The following A4GALT variants were observed in gnomAD, a reference collection of about 807,000 sequenced individuals.
A4GALT encodes lactosylceramide 4-alpha-galactosyltransferase.
For missense variants in A4GALT, 512 were observed against 486.0 expected, an observed-to-expected ratio of 1.05 and a Z score of -0.50; for synonymous variants, 257 against 220.7, an observed-to-expected ratio of 1.16 and a Z score of -1.46.
chr22:42,708,762 C>A (rs1248819346), intron 1 of A4GALT, among the ~76,000 whole-genome samples: 2 of 151,874 alleles, frequency 1.3e-5, no homozygotes, highest in African/African-American at 4.8e-5. Flanking sequence ...GGGAAAATAA[C>A]CAAATAAGCA....
chr22:42,714,433 C>T (rs1921984302), intron 1 of A4GALT, among the ~76,000 whole-genome samples: 1 of 151,360 alleles, frequency 6.6e-6, no homozygotes, highest in African/African-American at 2.4e-5. Context: ...TCAAAAAATA[C>T]AAAAATTAGC....
chr22:42,706,282 G>A (rs1921110441), intron 1 of A4GALT, among the ~76,000 whole-genome samples: 1 of 147,594 alleles, frequency 6.8e-6, no homozygotes. Context: ...GTGAACCCGG[G>A]AGGCAGAGCT....
intron 1 of A4GALT, among the ~76,000 whole-genome samples, chr22:42,697,826 G>A (rs533061590): frequency 4.6e-5 from 7 of 152,072 alleles, no homozygotes; most frequent in East Asian, 3.9e-4. Context: ...ACTACTTCCC[G>A]CCCTGTCACC....
intron 1 of A4GALT, among the ~76,000 whole-genome samples, chr22:42,711,382 TAAC>T (rs1288143850): frequency 3.9e-5 from 6 of 152,224 alleles, no homozygotes; most frequent in Non-Finnish European, 8.8e-5. Flanking sequence ...AGCCGCAATT[TAAC>T]AACATCTATC....
intron 1 of A4GALT, among the ~76,000 whole-genome samples, chr22:42,713,871 C>T (rs917441221): frequency 2.1e-4 from 31 of 150,284 alleles, no homozygotes; most frequent in Non-Finnish European, 4.1e-4. Context: ...GCTGACTGGG[C>T]GAGGTGGCTC....
At chr22:42,695,733 C>G (rs187903634) in intron 1 of A4GALT, 102 bp from the exon 2 acceptor site, 3 of 152,392 alleles carry the variant, frequency 2.0e-5, no homozygotes, top group Admixed American at 6.5e-5. Context: ...CATGTGTTCA[C>G]TGATTCATTC....
At chr22:42,711,231 G>A (rs1455336333) in intron 1 of A4GALT, among the ~76,000 whole-genome samples, 1 of 152,154 alleles carries the variant, frequency 6.6e-6, no homozygotes, top group East Asian at 1.9e-4. Context: ...ATAAGTAATA[G>A]AAATGCAAAT....
At chr22:42,716,517 T>C (rs1459928939) in intron 1 of A4GALT, among the ~76,000 whole-genome samples, 1 of 152,196 alleles carries the variant, frequency 6.6e-6, no homozygotes, top group Admixed American at 6.5e-5. Context: ...GCAGGTCCTC[T>C]TATGATTAAC....
Position 42,692,768 on chromosome 22 carries a change from AGCCT to A in A4GALT, c.*118_*121del, listed in dbSNP as rs1930536200. Reference sequence around the variant, plus strand: ...GGGCCTGCTCCCACAGCTCCTCAACAGCCTGCCTAAGCCCGGTGGCAGCTCGGGC... The same window carrying A: ...GGGCCTGCTCCCACAGCTCCTCAACAGCCTAAGCCCGGTGGCAGCTCGGGC... On this transcript the variant is annotated 3_prime_UTR_variant, in exon 3 of 3. Coordinates refer to ENST00000642412, the MANE Select transcript of A4GALT (RefSeq NM_017436.7). This position sits in a 1 kb window ranked among gnomAD's most constrained non-coding sequence, Gnocchi z 4.6. The A allele has an allele frequency of 8.5e-7, 1 of 1,176,440 alleles. No individual in the cohort carries two copies. The highest frequency in any genetic ancestry group is 1.2e-6 in the Non-Finnish European group (1 of 815,604). The allele number at this position is 1,176,440 out of a possible 1,614,324, so 72.9% of individuals were successfully genotyped here.
intron 1 of A4GALT, among the ~76,000 whole-genome samples, chr22:42,700,137 G>T (rs1931202042): frequency 6.6e-6 from 1 of 152,188 alleles, no homozygotes; most frequent in Non-Finnish European, 1.5e-5. Flanking sequence ...TCAATGGTGG[G>T]ACCAGATGGG....
chr22:42,718,110 G>A (rs976300389), intron 1 of A4GALT: 1 of 152,058 alleles, frequency 6.6e-6, no homozygotes. Flanking sequence ...AAAAAGTCAA[G>A]AGATCCAATA....
chr22:42,711,802 T>A (rs920170151), intron 1 of A4GALT, among the ~76,000 whole-genome samples: 1 of 152,014 alleles, frequency 6.6e-6, no homozygotes, highest in African/African-American at 2.4e-5. Context: ...CCTGGCTAAT[T>A]TTTGTATTTT....
Position 42,692,340 on chromosome 22 carries a change from C to G in A4GALT, c.*550G>C. 3.7e-6 allele frequency: 1 copy of G among 272,980 alleles called. No homozygotes were observed. The highest frequency in any genetic ancestry group is 3.8e-5 in the South Asian group (1 of 26,656). The allele number at this position is 272,980 out of a possible 1,614,324, so 16.9% of individuals were successfully genotyped here. On this transcript the variant is annotated 3_prime_UTR_variant, in exon 3 of 3. Transcript: ENST00000642412. The surrounding 1 kb of genome is among the most constrained non-coding windows in gnomAD (Gnocchi z 4.6). ...GGCTGCCCCCAAACGGCTCCCCAGG[C>G]TGGCACTTCTGGGCCTCTGCCCCAC...
rs1271343694 is a variant in A4GALT at position 42,692,607 on chromosome 22, C to T, written c.*283G>A. 1.7e-6 allele frequency: 1 copy of T among 581,724 alleles called. No individual in the cohort carries two copies. Among genetic ancestry groups the T allele is most frequent in the African/African-American group, 1.8e-5 (1 of 54,524 alleles). 36.0% of individuals were successfully genotyped at this position (581,724 alleles called of 1,614,324 possible). On this transcript the variant is annotated 3_prime_UTR_variant, in exon 3 of 3. Transcript: ENST00000642412. The surrounding 1 kb of genome is among the most constrained non-coding windows in gnomAD (Gnocchi z 4.6). ...GGCTTTCCGCACCACCTGGGGGTGC[C>T]CTGAGGTTCATCCTTCCTGCCTGTT...
rs3985930 is a variant in A4GALT, at chr22:42,703,106, C to CTGTGTGTGTGTG, written c.-187-7487_-187-7476dup. Among the ~76,000 whole-genome samples, 1,124 of 134,074 alleles carry CTGTGTGTGTGTG rather than the reference C, an allele frequency of 8.4e-3. 9 individuals carry two copies. Among genetic ancestry groups the CTGTGTGTGTGTG allele is most frequent in the African/African-American group, 0.017 (536 of 31,784 alleles). 88.0% of individuals were successfully genotyped at this position (134,074 alleles called of 152,430 possible). On this transcript the variant is annotated intron_variant, in intron 1 of 2. Coordinates refer to ENST00000642412, the MANE Select transcript of A4GALT (RefSeq NM_017436.7). ...GTGTGAGAGAGAGCATGCTGCCCCACTGTGTGTGTGTGTGTGTGTGTGTGT... is the reference window on the plus strand; with the variant it reads ...GTGTGAGAGAGAGCATGCTGCCCCACTGTGTGTGTGTGTGTGTGTGTGTGTGTGTGTGTGTGT...
intron 1 of A4GALT, among the ~76,000 whole-genome samples, chr22:42,716,670 C>T (rs1435624102): frequency 6.6e-6 from 1 of 152,140 alleles, no homozygotes; most frequent in Non-Finnish European, 1.5e-5. Flanking sequence ...GGGGCTCAAT[C>T]TCACTGTGGC....
chr22:42,706,321 C>CT (rs1921117958), intron 1 of A4GALT, among the ~76,000 whole-genome samples: 1 of 136,812 alleles, frequency 7.3e-6, no homozygotes, highest in Admixed American at 8.0e-5. Flanking sequence ...CACCACTGCA[C>CT]TCCAGCCTGG....
rs544832823 is a variant in A4GALT, at chr22:42,702,838, C to T, written c.-187-7207G>A. ...CCTGGTGGAGTCAGGCGGTCCTGGC[C>T]CAAATAATGGGGTTGGCAGGTTGTC... On this transcript the variant is annotated intron_variant, in intron 1 of 2. Coordinates refer to ENST00000642412, the MANE Select transcript of A4GALT (RefSeq NM_017436.7). 4.4e-4 allele frequency among the ~76,000 whole-genome samples: 64 copies of T among 143,880 alleles called. 3 individuals carry two copies. The highest frequency in any genetic ancestry group is 7.0e-4 in the Non-Finnish European group (47 of 67,568). The allele number at this position is 143,880 out of a possible 152,430, so 94.4% of individuals were successfully genotyped here.
rs1276035599 is a variant in A4GALT at position 42,717,365 on chromosome 22, A to G, written c.-188+3432T>C. On this transcript the variant is annotated intron_variant, in intron 1 of 2. Transcript: ENST00000642412. ...CTCTCTCCTCCCTGCGTAGTCATCAATGGGAGTGTTCACACCTGCTCCCTC... is the reference window on the plus strand; with the variant it reads ...CTCTCTCCTCCCTGCGTAGTCATCAGTGGGAGTGTTCACACCTGCTCCCTC... 2.6e-5 allele frequency among the ~76,000 whole-genome samples: 4 copies of G among 152,206 alleles called. No individual in the cohort carries two copies. The East Asian group carries it at 7.7e-4, about 29-fold the overall frequency.
Sources: allele counts gnomAD v4.1 joint callset (sites outside exome capture counted in the v4.1 genomes callset), GRCh38; gene constraint gnomAD v4.1.1; non-coding constraint Gnocchi (gnomAD v3.1); transcripts MANE v1.5; gene names NCBI Gene and HGNC (gene_info 2026-07-23, HGNC 2026-07-21).